The following MAML2 variants were observed in gnomAD, a reference collection of about 807,000 sequenced individuals.
MAML2 encodes mastermind like transcriptional coactivator 2.
Under a neutral mutation model 96.1 loss-of-function variants are expected in MAML2, and 22 were observed. That is an observed-to-expected ratio of 0.23 (90% CI 0.16 to 0.33). MAML2 has a LOEUF of 0.33. Ranked by LOEUF, MAML2 falls within the 10% of genes least tolerant of loss-of-function variation. MAML2 has a pLI of 1.00. For missense variants in MAML2, 1,367 were observed against 1,392.4 expected (o/e 0.98, Z 0.29); for synonymous variants, 561 against 521.3 (o/e 1.08, Z -1.04).
chr11:96,174,839 AT>A (rs1861357790), intron 1 of MAML2, among the ~76,000 whole-genome samples: 1 of 152,260 alleles, frequency 6.6e-6, no homozygotes, highest in East Asian at 1.9e-4. Context: ...ACCTATGATC[AT>A]TCAAATCTCT....
intron 2 of MAML2, among the ~76,000 whole-genome samples, chr11:96,046,390 A>G (rs1288936474): frequency 1.3e-5 from 2 of 151,966 alleles, no homozygotes; most frequent in Admixed American, 6.5e-5. Flanking sequence ...TTAAAAATAC[A>G]TTTCTCTTTG....
At chr11:96,177,058 G>C (rs150072299) in intron 1 of MAML2, among the ~76,000 whole-genome samples, 194 of 152,252 alleles carry the variant, frequency 1.3e-3, no homozygotes, top group African/African-American at 4.5e-3. Flanking sequence ...TGCCTGGAGA[G>C]GCCAGAGTCA....
At chr11:96,227,830 A>G (rs1169113687) in intron 1 of MAML2, among the ~76,000 whole-genome samples, 2 of 152,218 alleles carry the variant, frequency 1.3e-5, no homozygotes, top group African/African-American at 4.8e-5. Context: ...GGCCAGGTGC[A>G]GTGGCTCATG....
At chr11:96,309,696 A>ATTTTT (rs36116461) in intron 1 of MAML2, among the ~76,000 whole-genome samples, 1 of 138,738 alleles carries the variant, frequency 7.2e-6, no homozygotes, top group Non-Finnish European at 1.5e-5. Flanking sequence ...CAAAGGAACA[A>ATTTTT]TTTTTTTTTT....
At chr11:96,304,973 T>C (rs1218029597) in intron 1 of MAML2, among the ~76,000 whole-genome samples, 3 of 152,222 alleles carry the variant, frequency 2.0e-5, no homozygotes, top group African/African-American at 7.2e-5. Context: ...CATTCTGAAA[T>C]ATTATTATTA....
chr11:96,309,380 T>C (rs1027744108), intron 1 of MAML2, among the ~76,000 whole-genome samples: 4 of 152,218 alleles, frequency 2.6e-5, no homozygotes, highest in Non-Finnish European at 5.9e-5. Flanking sequence ...TTATGAGTAA[T>C]TCATTCTTAC....
chr11:96,216,370 T>C (rs1862049885), intron 1 of MAML2, among the ~76,000 whole-genome samples: 1 of 152,192 alleles, frequency 6.6e-6, no homozygotes. Flanking sequence ...TCTTCCATTT[T>C]AATGCCTCTC....
rs372020750 is a variant in MAML2 at position 96,078,634 on chromosome 11, C to T, written c.2139+13258G>A. 1.0e-3 allele frequency among the ~76,000 whole-genome samples: 154 copies of T among 152,198 alleles called. 2 individuals carry two copies. The South Asian group carries it at 0.029, about 28-fold the overall frequency. ...CTAGAGAACAGTGCTGGAAGTGTGT[C>T]GACAAAACTGTCTTCTTGTTCTAGT... On this transcript the variant is annotated intron_variant, in intron 2 of 4. Coordinates refer to ENST00000524717, the MANE Select transcript of MAML2 (RefSeq NM_032427.4).
At chr11:96,121,345 T>C (rs938280198) in intron 1 of MAML2, among the ~76,000 whole-genome samples, 1 of 152,186 alleles carries the variant, frequency 6.6e-6, no homozygotes, top group African/African-American at 2.4e-5. Context: ...TGTTCAATTA[T>C]AGCTTGAACT....
At chr11:96,008,320 A>G (rs535132765) in intron 2 of MAML2, among the ~76,000 whole-genome samples, 1 of 152,166 alleles carries the variant, frequency 6.6e-6, no homozygotes, top group East Asian at 1.9e-4. Context: ...TTTGGTAAAC[A>G]TTTGTGGCTT....
intron 1 of MAML2, among the ~76,000 whole-genome samples, chr11:96,224,217 AAT>A (rs1357472551): frequency 4.6e-5 from 7 of 152,232 alleles, no homozygotes; most frequent in African/African-American, 1.7e-4. Context: ...ATATAAAATA[AAT>A]AGTTATTAGT....
At chr11:96,259,912 G>C (rs553021925) in intron 1 of MAML2, among the ~76,000 whole-genome samples, 1 of 150,954 alleles carries the variant, frequency 6.6e-6, no homozygotes, top group Non-Finnish European at 1.5e-5. Flanking sequence ...AAAAAGCCTT[G>C]GGATATACTT....
chr11:96,284,240 G>T (rs1565272911), intron 1 of MAML2, among the ~76,000 whole-genome samples: 1 of 152,132 alleles, frequency 6.6e-6, no homozygotes, highest in Non-Finnish European at 1.5e-5. Context: ...CTTCCTCAAA[G>T]ACATATGTGT....
chr11:96,245,215 CTT>C (rs10584752), intron 1 of MAML2, among the ~76,000 whole-genome samples: 5,121 of 131,588 alleles, frequency 0.039, 245 homozygotes, highest in African/African-American at 0.12. Flanking sequence ...AGTCATCCTT[CTT>C]TTTTTTTTTT....
chr11:96,142,854 A>G (rs1007014303), intron 1 of MAML2, among the ~76,000 whole-genome samples: 1 of 152,118 alleles, frequency 6.6e-6, no homozygotes, highest in Non-Finnish European at 1.5e-5. Context: ...GAAAACAACT[A>G]TTTTTTTGTT....
At chr11:96,046,348 G>A (rs1858901596) in intron 2 of MAML2, among the ~76,000 whole-genome samples, 1 of 151,792 alleles carries the variant, frequency 6.6e-6, no homozygotes, top group Non-Finnish European at 1.5e-5. Context: ...TTTTTTTGTT[G>A]TTGGTTTTTT....
intron 1 of MAML2, among the ~76,000 whole-genome samples, chr11:96,291,359 C>T (rs1442093631): frequency 3.9e-5 from 6 of 152,028 alleles, no homozygotes; most frequent in Non-Finnish European, 8.8e-5. Context: ...CCCCTGACCT[C>T]AGGTGATTCA....
At chr11:96,200,093 A>G (rs111788853) in intron 1 of MAML2, among the ~76,000 whole-genome samples, 1 of 152,236 alleles carries the variant, frequency 6.6e-6, no homozygotes, top group Admixed American at 6.5e-5. Flanking sequence ...CTACTTTAGT[A>G]TCAGAGGAAT....
intron 2 of MAML2, among the ~76,000 whole-genome samples, chr11:96,045,108 G>T (rs1434654499): frequency 6.6e-6 from 1 of 152,076 alleles, no homozygotes; most frequent in Non-Finnish European, 1.5e-5. Context: ...GGGTGGTGGT[G>T]GTGGATAGGC....
Sources: allele counts gnomAD v4.1 joint callset (sites outside exome capture counted in the v4.1 genomes callset), GRCh38; gene constraint gnomAD v4.1.1; transcripts MANE v1.5; gene names NCBI Gene and HGNC (gene_info 2026-07-23, HGNC 2026-07-21).